MTMR7: variants seen among roughly 807,000 people sequenced by gnomAD.
MTMR7 encodes the protein phosphatidylinositol-3-phosphate phosphatase MTMR7.
MTMR7 carries 76 observed loss-of-function variants against 81.2 expected under a neutral mutation model. The observed-to-expected ratio is 0.94, with a 90% CI of 0.78 to 1.13. MTMR7 has a LOEUF of 1.13. Among genes scored for constraint, MTMR7 ranks in the 50% most tolerant of loss-of-function variants. MTMR7 has a pLI of 0.00. For missense variants in MTMR7, 1,044 were observed against 820.0 expected, an observed-to-expected ratio of 1.27 and a Z score of -3.34; for synonymous variants, 372 against 289.8, an observed-to-expected ratio of 1.28 and a Z score of -2.88.
rs1816801697 is a variant in MTMR7, at chr8:17,297,750, T to C, written c.*2112A>G. 1 of 150,228 alleles carries C rather than the reference T, an allele frequency of 6.7e-6. No individual in the cohort carries two copies. The highest frequency in any genetic ancestry group is 2.0e-4 in the East Asian group (1 of 5,084). 9.3% of individuals were successfully genotyped at this position (150,228 alleles called of 1,614,324 possible). On this transcript the variant is annotated 3_prime_UTR_variant, in exon 14 of 14. Transcript: ENST00000180173. Reference sequence around the variant, plus strand: ...TCTTGTTGGGGATATTTTAGTCTTGTTGGGTTAGCCATGCTCTGAAGAATC... The same window carrying C: ...TCTTGTTGGGGATATTTTAGTCTTGCTGGGTTAGCCATGCTCTGAAGAATC...
chr8:17,332,219 C>G (rs1819038696), intron 6 of MTMR7, among the ~76,000 whole-genome samples: 1 of 139,464 alleles, frequency 7.2e-6, no homozygotes, highest in Non-Finnish European at 1.5e-5. Context: ...GAACTCACCA[C>G]CAGAAAAAAA....
intron 1 of MTMR7, among the ~76,000 whole-genome samples, chr8:17,393,176 A>G (rs919835460): frequency 6.6e-6 from 1 of 152,234 alleles, no homozygotes; most frequent in Non-Finnish European, 1.5e-5. Context: ...TAAATGGAGT[A>G]GGAAAATTAC....
intron 5 of MTMR7, among the ~76,000 whole-genome samples, chr8:17,347,988 C>T (rs1819609712): frequency 1.3e-5 from 2 of 152,076 alleles, no homozygotes; most frequent in South Asian, 4.2e-4. Flanking sequence ...GGTGGTAGAG[C>T]AGAAAGGTAG....
At chr8:17,352,094 C>A (rs2150550455) in intron 4 of MTMR7, among the ~76,000 whole-genome samples, 1 of 152,236 alleles carries the variant, frequency 6.6e-6, no homozygotes, top group Middle Eastern at 3.4e-3. Context: ...AAAAATTCAT[C>A]CTAAAATTTA....
At chr8:17,300,336 T>C (rs1817034035) in intron 13 of MTMR7, 112 bp from the exon 14 acceptor site, 3 of 1,195,818 alleles carry the variant, frequency 2.5e-6, no homozygotes, top group Admixed American at 2.8e-5. Flanking sequence ...GTTAAGAACA[T>C]GTGACTCAGA....
intron 1 of MTMR7, among the ~76,000 whole-genome samples, chr8:17,388,542 T>C (rs1343428746): frequency 6.6e-6 from 1 of 152,252 alleles, no homozygotes; most frequent in Non-Finnish European, 1.5e-5. Context: ...CATTTGATTA[T>C]GATTTTCCTT....
intron 4 of MTMR7, among the ~76,000 whole-genome samples, chr8:17,360,361 T>A (rs1185484428): frequency 6.6e-6 from 1 of 152,104 alleles, no homozygotes; most frequent in Non-Finnish European, 1.5e-5. Context: ...CAATTTTCAA[T>A]AATGAATATG....
chr8:17,306,753 A>G (rs1817480799), intron 10 of MTMR7, among the ~76,000 whole-genome samples: 1 of 152,322 alleles, frequency 6.6e-6, no homozygotes, highest in South Asian at 2.1e-4. Flanking sequence ...GAGTGGGAAC[A>G]TTGGAAATTG....
intron 1 of MTMR7, among the ~76,000 whole-genome samples, chr8:17,385,555 C>G (rs1223824764): frequency 6.6e-6 from 1 of 152,192 alleles, no homozygotes; most frequent in African/African-American, 2.4e-5. Flanking sequence ...GTGAGGCCTT[C>G]CCAGCCATGT....
chr8:17,315,021 T>C (rs55913851), intron 7 of MTMR7, among the ~76,000 whole-genome samples: 27,559 of 131,334 alleles, frequency 0.21, 2,618 homozygotes, highest in African/African-American at 0.24. Context: ...TATGGCTATA[T>C]ATTAGCCCTG....
At chr8:17,384,255 T>C (rs1430646598) in intron 1 of MTMR7, among the ~76,000 whole-genome samples, 1 of 151,802 alleles carries the variant, frequency 6.6e-6, no homozygotes, top group Non-Finnish European at 1.5e-5. Flanking sequence ...CTACACAAAA[T>C]AAAATAATAT....
At chr8:17,389,761 A>G (rs1197321868) in intron 1 of MTMR7, among the ~76,000 whole-genome samples, 1 of 152,194 alleles carries the variant, frequency 6.6e-6, no homozygotes, top group Non-Finnish European at 1.5e-5. Flanking sequence ...AGACGGGGAA[A>G]AAATAAAACA....
intron 1 of MTMR7, among the ~76,000 whole-genome samples, chr8:17,380,386 C>A (rs747408779): frequency 7.9e-5 from 12 of 152,142 alleles, no homozygotes; most frequent in Non-Finnish European, 1.3e-4. Flanking sequence ...CTTGCATAAT[C>A]CCCATTTCAT....
Position 17,316,654 on chromosome 8 carries a change from A to C in MTMR7, c.866-3253T>G, listed in dbSNP as rs1462340116. On this transcript the variant is annotated intron_variant, in intron 7 of 13. Coordinates refer to ENST00000180173, the MANE Select transcript of MTMR7 (RefSeq NM_004686.5). The stretch of plus-strand genomic sequence containing the variant: ...CCACAGAGCACAAATATTTGAAAAA[A>C]ATAAAAATAACAATACAACAAAAAA... Among the ~76,000 whole-genome samples, 8 of 152,324 alleles carry C rather than the reference A, an allele frequency of 5.3e-5. No individual in the cohort carries two copies. The South Asian group carries it at 6.2e-4, about 12-fold the overall frequency.
chr8:17,384,969 C>T (rs994564), intron 1 of MTMR7, among the ~76,000 whole-genome samples: 62,700 of 151,928 alleles, frequency 0.41, 13,661 homozygotes, highest in Admixed American at 0.56. Flanking sequence ...CTACCTTTCA[C>T]GAAATCCCTT....
chr8:17,322,767 G>A (rs531400070), intron 7 of MTMR7, among the ~76,000 whole-genome samples: 3 of 152,258 alleles, frequency 2.0e-5, no homozygotes, highest in South Asian at 2.1e-4. Context: ...AGAGGCTGCT[G>A]TGAGCTACAG....
intron 4 of MTMR7, among the ~76,000 whole-genome samples, chr8:17,350,615 A>C (rs1355969302): frequency 3.3e-5 from 5 of 152,084 alleles, no homozygotes; most frequent in Non-Finnish European, 7.4e-5. Context: ...ATCAAGGGGA[A>C]ATACTTTATC....
In MTMR7 at chr8:17,335,988, A is replaced by G. The variant is rs1586213634; in HGVS notation, c.733-4706T>C. On this transcript the variant is annotated intron_variant, in intron 6 of 13. Transcript: ENST00000180173. ...ATCTGTGTACTGGGAGGATGGGTGC[A>G]GAGGAGGGAGAAGAGAAGAGGTAAA... Among the ~76,000 whole-genome samples, 5 of 152,246 alleles carry G rather than the reference A, an allele frequency of 3.3e-5. 1 individual carries two copies. Among genetic ancestry groups the G allele is most frequent in the Admixed American group, 3.3e-4 (5 of 15,296 alleles).
intron 7 of MTMR7, among the ~76,000 whole-genome samples, chr8:17,319,884 A>G (rs1005452051): frequency 5.9e-5 from 9 of 152,170 alleles, no homozygotes; most frequent in African/African-American, 2.2e-4. Flanking sequence ...TGTGCTTTCT[A>G]TCACTTACAA....
Sources: allele counts gnomAD v4.1 joint callset (sites outside exome capture counted in the v4.1 genomes callset), GRCh38; gene constraint gnomAD v4.1.1; transcripts MANE v1.5; gene names NCBI Gene and HGNC (gene_info 2026-07-23, HGNC 2026-07-21).